SEC14L3: variants seen among roughly 807,000 people sequenced by gnomAD.
SEC14L3 encodes the protein SEC14-like protein 3.
In SEC14L3, 56 loss-of-function variants were observed where a neutral mutation model predicts 57.4. That is an observed-to-expected ratio of 0.97 (90% CI 0.79 to 1.22). SEC14L3 has a LOEUF of 1.22. Among genes scored for constraint, SEC14L3 ranks in the 50% most tolerant of loss-of-function variants. SEC14L3 has a pLI of 0.00. For synonymous variants in SEC14L3, 173 were observed against 194.4 expected, an observed-to-expected ratio of 0.89 and a Z score of 0.92; for missense variants, 485 against 511.7, an observed-to-expected ratio of 0.95 and a Z score of 0.50.
At position 30,461,485 on chromosome 22, in the gene SEC14L3, AG is replaced by A. The variant is rs1569228231; in HGVS notation, c.912-7del. On this transcript the variant is annotated splice_region_variant and splice_polypyrimidine_tract_variant and intron_variant, in intron 10 of 11. Coordinates refer to ENST00000215812, the MANE Select transcript of SEC14L3 (RefSeq NM_174975.5). ...CATCAGATGAGAACTGCCACCTGTC[AG>A]GGGGAGGGGGAGGAGACAGGTTGCT... 6 of 1,611,098 alleles carry A rather than the reference AG, an allele frequency of 3.7e-6. No homozygotes were observed. Among genetic ancestry groups the A allele is most frequent in the Non-Finnish European group, 5.1e-6 (6 of 1,177,686 alleles).
At chr22:30,449,000 G>A in exon 13 of SEC14L3, 3 of 1,327,128 alleles carry the variant, frequency 2.3e-6, no homozygotes, top group Non-Finnish European at 3.1e-6. Flanking sequence ...AGGCGGTCAG[G>A]AGCCCAAATG....
At chr22:30,461,099 C>T (rs1483498880) in intron 11 of SEC14L3, among the ~76,000 whole-genome samples, 1 of 152,202 alleles carries the variant, frequency 6.6e-6, no homozygotes, top group East Asian at 1.9e-4. Flanking sequence ...GTCCCCAATT[C>T]CTTCAGGGCC....
chr22:30,459,294 A>C lies in SEC14L3; in HGVS notation c.*727T>G. On this transcript the variant is annotated 3_prime_UTR_variant, in exon 12 of 12. Transcript: ENST00000215812. ...TGCCTTTGCTTCCAGGAAAGTCCCT[A>C]AAACATAAGCTATGTGCAACAAGGG... is the stretch of plus-strand genomic sequence containing the variant. 1 of 985,422 alleles carries C rather than the reference A, an allele frequency of 1.0e-6. No homozygotes were observed. Among genetic ancestry groups the C allele is most frequent in the Non-Finnish European group, 1.2e-6 (1 of 829,920 alleles). The allele number at this position is 985,422 out of a possible 1,614,324, so 61.0% of individuals were successfully genotyped here.
At chr22:30,452,806 T>C (rs937106740) in intron 12 of SEC14L3, among the ~76,000 whole-genome samples, 10 of 151,094 alleles carry the variant, frequency 6.6e-5, no homozygotes, top group African/African-American at 2.2e-4. Flanking sequence ...CTCAACCTTC[T>C]GTGCTCAAGT....
chr22:30,468,779 C>T (rs1207618486), intron 4 of SEC14L3, 83 bp from the exon 5 acceptor site: 4 of 1,612,222 alleles, frequency 2.5e-6, no homozygotes, highest in African/African-American at 2.7e-5. Context: ...TGGCCCAAGC[C>T]TACACACACC....
chr22:30,459,043 C>T (rs959490185), downstream of SEC14L3, among the ~76,000 whole-genome samples: 7 of 152,010 alleles, frequency 4.6e-5, no homozygotes, highest in Admixed American at 2.6e-4. Context: ...AACAAACAAA[C>T]GAACACCCCC....
In SEC14L3 at chr22:30,450,975, C is replaced by T. The variant is rs576465014; in HGVS notation, c.905-1731G>A. On this transcript the variant is annotated intron_variant, in intron 12 of 12. Coordinates refer to the SEC14L3 transcript ENST00000403066. ...TGGGATTTGGGGCAGGCCCCTTGCC[C>T]GGGCAGAATGTTGTCCCCAACCCTC... Among the ~76,000 whole-genome samples the T allele has an allele frequency of 3.3e-4, 50 of 152,340 alleles. 1 individual carries two copies. The highest frequency in any genetic ancestry group is 1.2e-3 in the African/African-American group (50 of 41,578).
At chr22:30,470,647 A>T in intron 1 of SEC14L3, 65 bp from the exon 2 acceptor site, 1 of 1,609,242 alleles carries the variant, frequency 6.2e-7, no homozygotes, top group Non-Finnish European at 8.5e-7. Context: ...AGACTCAAAG[A>T]CTGTTTTCAC....
downstream of SEC14L3, among the ~76,000 whole-genome samples, chr22:30,454,738 A>AATAATATTATTATATATAATATATAATAT (rs1935059783): frequency 2.7e-5 from 2 of 72,746 alleles, no homozygotes; most frequent in African/African-American, 1.1e-4. Context: ...TATAATATAT[A>AATAATATTATTATATATAATATATAATAT]ATAATATTAT....
intron 8 of SEC14L3, among the ~76,000 whole-genome samples, chr22:30,463,335 G>A (rs993474207): frequency 6.6e-6 from 1 of 152,174 alleles, no homozygotes; most frequent in African/African-American, 2.4e-5. Context: ...GCTAATCCAG[G>A]CTACCCGGTC....
At position 30,462,159 on chromosome 22, in the gene SEC14L3, C is replaced by A; in HGVS notation, c.698G>T (p.Ser233Ile). 1 of 1,614,064 alleles carries A rather than the reference C, an allele frequency of 6.2e-7. No homozygotes were observed. Among genetic ancestry groups the A allele is most frequent in the South Asian group, 1.1e-5 (1 of 91,040 alleles). ...AAACTGGGCAGGCAGTTCCTCAGGA[C>A]TGATGAGTTTCAGCAAACCTTCCTT... ...NWKEGLLKLI[S>I]PEELPAQFGG... Residue 233 changes from serine (S) to isoleucine (I), a missense_variant, in exon 9 of 12, where the codon AGT becomes ATT. Physicochemically the swap from Ser to Ile is moderately radical, Grantham distance 142 (BLOSUM62 -2). Transcript: ENST00000215812.
Position 30,460,134 on chromosome 22 carries a change from G to T in SEC14L3, c.1090C>A (p.Arg364Ser), listed in dbSNP as rs35764129. The T allele has an allele frequency of 1.9e-6, 3 of 1,613,730 alleles. No homozygotes were observed. Among genetic ancestry groups the T allele is most frequent in the Admixed American group, 3.3e-5 (2 of 60,006 alleles). ...ACAAAGCTATAGGTGTTGTCGAAGC[G>T]TAGGACATCTGGGGGACAGATGGAA... ...TCSEAGVYVL[R>S]FDNTYSFVHA... The change falls in exon 12 of 12, where the codon CGC (arginine) becomes AGC (serine). Residue 364 changes from arginine (R) to serine (S), a missense_variant. Coordinates refer to ENST00000215812, the MANE Select transcript of SEC14L3 (RefSeq NM_174975.5).
Position 30,451,995 on chromosome 22 carries a change from AAAAAAAAAAAAAAAG to A in SEC14L3, c.905-2766_905-2752del, listed in dbSNP as rs1429236512. ...CAAGAGAGTAAGACTCCATCTCAAA[AAAAAAAAAAAAAAAG>A]AAAAAAGAAAAGAAAAGAAAAGAAA... On this transcript the variant is annotated intron_variant, in intron 12 of 12. Transcript: ENST00000403066. Among the ~76,000 whole-genome samples the A allele has an allele frequency of 1.1e-3, 153 of 143,086 alleles. 1 individual carries two copies. The highest frequency in any genetic ancestry group is 3.9e-3 in the African/African-American group (149 of 38,132). 93.9% of individuals were successfully genotyped at this position (143,086 alleles called of 152,430 possible).
In SEC14L3 at chr22:30,466,411, G is replaced by A; in HGVS notation, c.520-17C>T. On this transcript the variant is annotated splice_polypyrimidine_tract_variant and intron_variant, in intron 6 of 11. Transcript: ENST00000215812. ...GCCAAAGAACTGTGGAACCAAGAGAGATCCCTTCAGAGAGCACATCACATC... is the reference window on the plus strand; with the variant it reads ...GCCAAAGAACTGTGGAACCAAGAGAAATCCCTTCAGAGAGCACATCACATC... The A allele has an allele frequency of 6.2e-7, 1 of 1,614,074 alleles. No individual in the cohort carries two copies. The highest frequency in any genetic ancestry group is 8.5e-7 in the Non-Finnish European group (1 of 1,179,984).
chr22:30,471,853 C>G, intron 1 of SEC14L3, 52 bp downstream of exon 1: 2 of 1,612,250 alleles, frequency 1.2e-6, no homozygotes. Flanking sequence ...TCTTTCCACC[C>G]CCCAGCCCCT....
chr22:30,464,560 A>G (rs748758507), intron 8 of SEC14L3, among the ~76,000 whole-genome samples: 1 of 152,204 alleles, frequency 6.6e-6, no homozygotes, highest in Non-Finnish European at 1.5e-5. Flanking sequence ...CCTCCTAAGT[A>G]TCTGGAATTA....
downstream of SEC14L3, among the ~76,000 whole-genome samples, chr22:30,456,395 T>C (rs1935121693): frequency 6.6e-6 from 1 of 151,984 alleles, no homozygotes; most frequent in Non-Finnish European, 1.5e-5. Flanking sequence ...GGCTCATTGT[T>C]CTGCAGGATG....
At chr22:30,464,560 A>T (rs748758507) in intron 8 of SEC14L3, among the ~76,000 whole-genome samples, 5 of 152,086 alleles carry the variant, frequency 3.3e-5, no homozygotes, top group Non-Finnish European at 7.4e-5. Context: ...CCTCCTAAGT[A>T]TCTGGAATTA....
At chr22:30,470,994 A>G (rs1935588938) in intron 1 of SEC14L3, among the ~76,000 whole-genome samples, 1 of 152,090 alleles carries the variant, frequency 6.6e-6, no homozygotes, top group African/African-American at 2.4e-5. Context: ...GATGAAAGAA[A>G]GGATAAACAG....
Sources: gnomAD v4.1 joint callset for allele counts (sites outside exome capture counted in the v4.1 genomes callset) on GRCh38, gnomAD v4.1.1 for gene constraint, MANE v1.5 for transcripts, NCBI Gene and HGNC (gene_info 2026-07-23, HGNC 2026-07-21) for gene names.